The following NPR2 variants were observed in gnomAD, a reference collection of about 807,000 sequenced individuals.
The protein encoded by NPR2 is natriuretic peptide receptor 2.
In NPR2, 49 loss-of-function variants were observed where a neutral mutation model predicts 120.7. That is an observed-to-expected ratio of 0.41 (90% CI 0.32 to 0.52). The LOEUF (loss-of-function observed/expected upper bound fraction) is 0.52, where lower values mean the gene tolerates loss of function less well. NPR2 is among the 20% of genes least tolerant of loss of function. The pLI is 0.36. For synonymous variants in NPR2, 484 were observed against 519.8 expected, an observed-to-expected ratio of 0.93 and a Z score of 0.94; for missense variants, 931 against 1,362.9, an observed-to-expected ratio of 0.68 and a Z score of 4.99.
At position 35,802,843 on chromosome 9, in the gene NPR2, A is replaced by G; in HGVS notation, c.1887+40A>G. The stretch of plus-strand genomic sequence containing the variant: ...CTCCTTAAAAGTTCATCCACTTTAA[A>G]TCACTTCCACTGTTCTTTGATTGTG... On this transcript the variant is annotated intron_variant, in intron 12 of 21. Transcript: ENST00000342694. The surrounding 1 kb of genome is among the most constrained non-coding windows in gnomAD (Gnocchi z 4.2). 1 of 1,311,822 alleles carries G rather than the reference A, an allele frequency of 7.6e-7. No individual in the cohort carries two copies. The allele number at this position is 1,311,822 out of a possible 1,614,324, so 81.3% of individuals were successfully genotyped here.
rs1828541647 is a variant in NPR2 at position 35,808,441 on chromosome 9, C to T, written c.2713-68C>T. ...TGATTAATGATGGTGTCAAGCTTGTCTCCCTCTACTTTTTCCCATCCCCAT... is the reference window on the plus strand; with the variant it reads ...TGATTAATGATGGTGTCAAGCTTGTTTCCCTCTACTTTTTCCCATCCCCAT... On this transcript the variant is annotated intron_variant, in intron 18 of 21. Coordinates refer to ENST00000342694, the MANE Select transcript of NPR2 (RefSeq NM_003995.4). The surrounding 1 kb of genome is among the most constrained non-coding windows in gnomAD (Gnocchi z 4.0). The T allele has an allele frequency of 2.6e-6, 4 of 1,533,640 alleles. No homozygotes were observed. Among genetic ancestry groups the T allele is most frequent in the Non-Finnish European group, 3.6e-6 (4 of 1,108,920 alleles).
chr9:35,794,119 A>G lies in NPR2; in HGVS notation c.873+16A>G. 1.2e-6 allele frequency: 2 copies of G among 1,609,540 alleles called. No individual in the cohort carries two copies. Among genetic ancestry groups the G allele is most frequent in the Non-Finnish European group, 1.7e-6 (2 of 1,176,772 alleles). On this transcript the variant is annotated intron_variant, in intron 2 of 21. Transcript: ENST00000342694. Reference sequence around the variant, plus strand: ...GGCCTTTCAGGTATCATTTGAGCCAAATCTGAAGGAGGAGGGGGAAGAGGT... The same window carrying G: ...GGCCTTTCAGGTATCATTTGAGCCAGATCTGAAGGAGGAGGGGGAAGAGGT...
rs2132080170 is a variant in NPR2 at position 35,801,082 on chromosome 9, C to T, written c.1364C>T (p.Thr455Ile). 13 of 1,613,964 alleles carry T rather than the reference C, an allele frequency of 8.1e-6. No individual in the cohort carries two copies. The highest frequency in any genetic ancestry group is 1.1e-5 in the Non-Finnish European group (13 of 1,179,804). ...ATTTCCCCTTCAGCTCCACTTTCAACCCTGGCAATTGTGGCTCTGGGCACA... is the reference window on the plus strand; with the variant it reads ...ATTTCCCCTTCAGCTCCACTTTCAATCCTGGCAATTGTGGCTCTGGGCACA... ...DPSCDKTPLSTLAIVALGTGI... is the reference protein window; with the variant it reads ...DPSCDKTPLSILAIVALGTGI... The change falls in exon 7 of 22, where the codon ACC becomes ATC. Residue 455 changes from threonine to isoleucine, a missense_variant. Thr to Ile is a moderately conservative substitution (Grantham distance 89). Around this residue, in one of 3 missense-constraint regions of NPR2, gnomAD observed 681 missense variants for 974.3 expected, o/e 0.70. Transcript: ENST00000342694.
chr9:35,805,993 T>C lies in NPR2; in HGVS notation c.2203+8T>C. On this transcript the variant is annotated splice_region_variant and intron_variant, in intron 14 of 21. Transcript: ENST00000342694. The surrounding 1 kb of genome is among the most constrained non-coding windows in gnomAD (Gnocchi z 4.9). ...TGGACCTCAGCCCCAAAGGTAAGAG[T>C]CAATCCACTACCCACAGCCTCTTCT... 6.2e-7 allele frequency: 1 copy of C among 1,614,070 alleles called. No individual in the cohort carries two copies. The highest frequency in any genetic ancestry group is 8.5e-7 in the Non-Finnish European group (1 of 1,180,008).
At chr9:35,804,567 G>A (rs1426697487) in intron 12 of NPR2, among the ~76,000 whole-genome samples, 1 of 152,126 alleles carries the variant, frequency 6.6e-6, no homozygotes, top group East Asian at 1.9e-4. Context: ...GGAGGCAAAG[G>A]TTTTTCCCTC....
chr9:35,792,580 C>T lies in NPR2; in HGVS notation c.172C>T (p.Arg58Trp), dbSNP rs767019654. 6.2e-6 allele frequency: 10 copies of T among 1,613,054 alleles called. No individual in the cohort carries two copies. Among genetic ancestry groups the T allele is most frequent in the South Asian group, 2.2e-5 (2 of 91,084 alleles). Residue 58 changes from arginine (R) to tryptophan (W), a missense_variant, in exon 1 of 22, where the codon CGG becomes TGG. Physicochemically the swap from Arg to Trp is moderately radical, Grantham distance 101 (BLOSUM62 -3). Transcript: ENST00000342694. The stretch of plus-strand genomic sequence containing the variant: ...GGCACTAGCTGTGGAGGCTCTGGGC[C>T]GGGCACTGCCCGTGGACCTGCGGTT... ...AVALAVEALGRALPVDLRFVS... is the reference protein window; with the variant it reads ...AVALAVEALGWALPVDLRFVS...
chr9:35,794,554 G>C (rs1827890182), intron 2 of NPR2, among the ~76,000 whole-genome samples: 1 of 152,188 alleles, frequency 6.6e-6, no homozygotes, highest in East Asian at 1.9e-4. Context: ...AGTGTGGGCT[G>C]TGTTTAGGGA....
At chr9:35,794,552 CT>C (rs758910914) in intron 2 of NPR2, among the ~76,000 whole-genome samples, 1 of 152,118 alleles carries the variant, frequency 6.6e-6, no homozygotes, top group Non-Finnish European at 1.5e-5. Context: ...TCAGTGTGGG[CT>C]GTGTTTAGGG....
At position 35,800,176 on chromosome 9, in the gene NPR2, T is replaced by C; in HGVS notation, c.1123+19T>C. 1 of 1,609,504 alleles carries C rather than the reference T, an allele frequency of 6.2e-7. No individual in the cohort carries two copies. The highest frequency in any genetic ancestry group is 8.5e-7 in the Non-Finnish European group (1 of 1,176,024). On this transcript the variant is annotated intron_variant, in intron 4 of 21. Transcript: ENST00000342694. The surrounding 1 kb of genome is among the most constrained non-coding windows in gnomAD (Gnocchi z 4.7). ...TATCACGGTAATGAAGAGGGGTCAA[T>C]GGGGGTCTGAGGGCTGATGTCAGGA...
At chr9:35,795,903 C>T (rs1827931320) in intron 2 of NPR2, among the ~76,000 whole-genome samples, 1 of 152,204 alleles carries the variant, frequency 6.6e-6, no homozygotes, top group East Asian at 1.9e-4. Context: ...ATTTACTGAG[C>T]ACCTATCATG....
Position 35,801,166 on chromosome 9 carries a change from G to A in NPR2, c.1436+12G>A, listed in dbSNP as rs770809056. 6.2e-7 allele frequency: 1 copy of A among 1,603,430 alleles called. No homozygotes were observed. The highest frequency in any genetic ancestry group is 1.3e-5 in the African/African-American group (1 of 74,806). ...TTCCTAATTTTCCGGTGAGTTCTGG[G>A]TTTCTTGCTGACCTACTCCCTGCCC... On this transcript the variant is annotated intron_variant, in intron 7 of 21. Transcript: ENST00000342694.
intron 1 of NPR2, among the ~76,000 whole-genome samples, chr9:35,793,467 TA>T (rs1211944920): frequency 2.6e-5 from 4 of 151,842 alleles, no homozygotes. Flanking sequence ...CTTGGTGGTG[TA>T]AAAATAATGA....
In NPR2 at chr9:35,807,410, G is replaced by T; in HGVS notation, c.2712+12G>T. On this transcript the variant is annotated intron_variant, in intron 18 of 21. Transcript: ENST00000342694. ...TTGATGTCTACAAGGTGAGAGCTGG[G>T]GCCGCTGTTCAATAGAAGACCCTTT... 1 of 1,077,808 alleles carries T rather than the reference G, an allele frequency of 9.3e-7. No homozygotes were observed. Among genetic ancestry groups the T allele is most frequent in the Non-Finnish European group, 1.3e-6 (1 of 788,958 alleles). The allele number at this position is 1,077,808 out of a possible 1,614,324, so 66.8% of individuals were successfully genotyped here. A position where few individuals can be genotyped will look rare whatever the true frequency, so the allele number is the denominator to read the frequency against.
chr9:35,804,378 G>A (rs747403151), intron 12 of NPR2, among the ~76,000 whole-genome samples: 4 of 152,000 alleles, frequency 2.6e-5, no homozygotes, highest in South Asian at 2.1e-4. Context: ...GGACCACAGC[G>A]TGTGCTGCAG....
At position 35,809,024 on chromosome 9, in the gene NPR2, T is replaced by C. The variant is rs535064705; in HGVS notation, c.2987-132T>C. ...CATTGGGAGGTTGGGCATATTTTGGTCCTAATAGATATGCATTGGGAGCTT... is the reference window on the plus strand; with the variant it reads ...CATTGGGAGGTTGGGCATATTTTGGCCCTAATAGATATGCATTGGGAGCTT... On this transcript the variant is annotated intron_variant, in intron 20 of 21. Transcript: ENST00000342694. The surrounding 1 kb of genome is among the most constrained non-coding windows in gnomAD (Gnocchi z 4.1). 5 of 1,018,536 alleles carry C rather than the reference T, an allele frequency of 4.9e-6. No homozygotes were observed. Among genetic ancestry groups the C allele is most frequent in the Non-Finnish European group, 7.8e-6 (5 of 642,648 alleles). The allele number at this position is 1,018,536 out of a possible 1,614,324, so 63.1% of individuals were successfully genotyped here.
At position 35,808,653 on chromosome 9, in the gene NPR2, C is replaced by G; in HGVS notation, c.2857C>G (p.Gln953Glu). 3 of 1,614,162 alleles carry G rather than the reference C, an allele frequency of 1.9e-6. No individual in the cohort carries two copies. Among genetic ancestry groups the G allele is most frequent in the Non-Finnish European group, 2.5e-6 (3 of 1,180,012 alleles). ...SFRIRHRPHD[Q>E]LRLRIGVHTG... is the part of the protein sequence containing the mutation. ...TCGCATCCGCCACCGACCCCATGAC[C>G]AGCTGAGGCTACGCATAGGGGTCCA... The change falls in exon 19 of 22, where the codon CAG becomes GAG. Residue 953 changes from glutamine to glutamate, a missense_variant. This residue lies in a region of NPR2 where 184 missense variants were observed against 328.3 expected (regional missense o/e 0.56). Coordinates refer to ENST00000342694, the MANE Select transcript of NPR2 (RefSeq NM_003995.4). This position sits in a 1 kb window ranked among gnomAD's most constrained non-coding sequence, Gnocchi z 4.0.
At position 35,800,289 on chromosome 9, in the gene NPR2, A is replaced by G; in HGVS notation, c.1124-100A>G. The G allele has an allele frequency of 7.1e-7, 1 of 1,411,870 alleles. No homozygotes were observed. The highest frequency in any genetic ancestry group is 1.0e-6 in the Non-Finnish European group (1 of 995,580). The allele number at this position is 1,411,870 out of a possible 1,614,324, so 87.5% of individuals were successfully genotyped here. On this transcript the variant is annotated intron_variant, in intron 4 of 21. Transcript: ENST00000342694. This position sits in a 1 kb window ranked among gnomAD's most constrained non-coding sequence, Gnocchi z 4.7. The stretch of plus-strand genomic sequence containing the variant: ...ATATGGCAGAGTTGCCCACACCTCA[A>G]GATCGGGGAAGGGTAGACTCTGAGG...
chr9:35,793,004 A>G lies in NPR2; in HGVS notation c.596A>G (p.Gln199Arg). 3.1e-6 allele frequency: 5 copies of G among 1,613,088 alleles called. No individual in the cohort carries two copies. Among genetic ancestry groups the G allele is most frequent in the Non-Finnish European group, 4.2e-6 (5 of 1,179,794 alleles). The change falls in exon 1 of 22, where the codon CAG becomes CGG. Residue 199 changes from glutamine to arginine, a missense_variant. Coordinates refer to ENST00000342694, the MANE Select transcript of NPR2 (RefSeq NM_003995.4). ...CTGCAGGGCAGCAACCTCAGTGTGC[A>G]GCACCAGGTGTATGCCCGAGAGCCA... The part of the protein sequence containing the change: ...EALQGSNLSV[Q>R]HQVYAREPGG...
In NPR2 at chr9:35,792,483, G is replaced by A. The variant is rs1192280788; in HGVS notation, c.75G>A (p.Leu25=). 3.1e-6 allele frequency: 5 copies of A among 1,610,482 alleles called. No individual in the cohort carries two copies. In the South Asian group the frequency reaches 4.4e-5, roughly 14 times the overall value. The change falls in exon 1 of 22, where the codon CTG becomes CTA. Residue 25 remains leucine, a synonymous_variant. Transcript: ENST00000342694. ...TGCGTCCTCCCGGGGCGCGGAACCT[G>A]ACGCTGGCGGTGGTGCTGCCAGAAC... ...GGVRPPGARN[L]TLAVVLPEHN... is the part of the protein sequence containing the mutation.
Sources: allele counts gnomAD v4.1 joint callset (sites outside exome capture counted in the v4.1 genomes callset), GRCh38; gene constraint gnomAD v4.1.1; regional missense constraint gnomAD v4.1.1; non-coding constraint Gnocchi (gnomAD v3.1); transcripts MANE v1.5; gene names NCBI Gene and HGNC (gene_info 2026-07-23, HGNC 2026-07-21).